SDK1: variants seen among roughly 807,000 people sequenced by gnomAD.
The protein encoded by SDK1 is sidekick cell adhesion molecule 1.
In SDK1, 157 loss-of-function variants were observed where a neutral mutation model predicts 245.5. The ratio of observed to expected loss-of-function variants is 0.64; its 90% CI spans 0.56 to 0.73. The LOEUF is 0.73. Ranked by LOEUF, SDK1 falls within the 30% of genes least tolerant of loss-of-function variation. The pLI is 0.00. For missense variants in SDK1, 3,583 were observed against 3,002.3 expected (o/e 1.19, Z -4.52); for synonymous variants, 1,647 against 1,278.5 (o/e 1.29, Z -6.15).
chr7:3,855,195 A>C (rs1780515115), intron 5 of SDK1, among the ~76,000 whole-genome samples: 2 of 152,128 alleles, frequency 1.3e-5, no homozygotes, highest in Non-Finnish European at 2.9e-5. Flanking sequence ...CTCTCACTGC[A>C]GGGGATAGAC....
intron 29 of SDK1, among the ~76,000 whole-genome samples, chr7:4,146,167 A>T (rs541255306): frequency 1.6e-4 from 23 of 139,838 alleles, no homozygotes; most frequent in African/African-American, 4.6e-4. Flanking sequence ...TCACACCTTC[A>T]GCCTCACACC....
chr7:3,752,046 C>T (rs1322883354), intron 4 of SDK1, among the ~76,000 whole-genome samples: 5 of 152,212 alleles, frequency 3.3e-5, no homozygotes, highest in Admixed American at 2.0e-4. Flanking sequence ...CTATGATTGA[C>T]ATTTCAGAAC....
At chr7:3,330,871 C>G (rs1220664348) in intron 1 of SDK1, among the ~76,000 whole-genome samples, 1 of 147,882 alleles carries the variant, frequency 6.8e-6, no homozygotes, top group African/African-American at 2.5e-5. Context: ...ACTTGGAAGG[C>G]TGAGTTGGGA....
chr7:4,195,365 C>T (rs1199604685), intron 35 of SDK1, among the ~76,000 whole-genome samples: 1 of 151,726 alleles, frequency 6.6e-6, no homozygotes, highest in Non-Finnish European at 1.5e-5. Flanking sequence ...GCCTGGTTTC[C>T]AGAACACTCT....
chr7:4,155,690 G>A (rs556912461), intron 30 of SDK1, among the ~76,000 whole-genome samples: 93 of 152,250 alleles, frequency 6.1e-4, no homozygotes, highest in African/African-American at 1.9e-3. Context: ...TGGTATTTAC[G>A]TGTCCTCATA....
chr7:3,723,030 C>A (rs908030960), intron 4 of SDK1, among the ~76,000 whole-genome samples: 1 of 152,222 alleles, frequency 6.6e-6, no homozygotes, highest in Non-Finnish European at 1.5e-5. Flanking sequence ...CAATTTCACA[C>A]TTGGGAAACA....
At chr7:3,810,331 A>G (rs1411880907) in intron 4 of SDK1, among the ~76,000 whole-genome samples, 2 of 151,888 alleles carry the variant, frequency 1.3e-5, no homozygotes, top group African/African-American at 2.4e-5. Flanking sequence ...TGTTTAAATC[A>G]TGTTTCTTTT....
At chr7:3,403,859 AT>A (rs1778972675) in intron 1 of SDK1, among the ~76,000 whole-genome samples, 9 of 104,110 alleles carry the variant, frequency 8.6e-5, no homozygotes, top group East Asian at 2.7e-4. Context: ...ATATATATAT[AT>A]ATATATATAA....
intron 1 of SDK1, among the ~76,000 whole-genome samples, chr7:3,435,506 A>T (rs1014960569): frequency 4.0e-5 from 6 of 149,282 alleles, no homozygotes; most frequent in African/African-American, 1.5e-4. Context: ...AATTATTATG[A>T]TTATGATTAT....
At chr7:3,369,432 C>G (rs192020279) in intron 1 of SDK1, among the ~76,000 whole-genome samples, 16 of 151,738 alleles carry the variant, frequency 1.1e-4, no homozygotes, top group African/African-American at 3.9e-4. Flanking sequence ...GTAGATGTGA[C>G]AGAGATTATA....
intron 1 of SDK1, among the ~76,000 whole-genome samples, chr7:3,356,782 G>A (rs1251847648): frequency 1.3e-5 from 2 of 152,106 alleles, no homozygotes; most frequent in East Asian, 3.8e-4. Context: ...CTGAGGCCAG[G>A]CACGGTGGCT....
intron 1 of SDK1, among the ~76,000 whole-genome samples, chr7:3,490,077 TC>T (rs1311014564): frequency 6.6e-6 from 1 of 152,182 alleles, no homozygotes; most frequent in Non-Finnish European, 1.5e-5. Context: ...CTGGAATTAT[TC>T]TCTTCATATT....
At chr7:3,905,365 G>A (rs1013901636) in intron 5 of SDK1, among the ~76,000 whole-genome samples, 14 of 152,042 alleles carry the variant, frequency 9.2e-5, no homozygotes, top group East Asian at 3.9e-4. Flanking sequence ...TGATAGTCTG[G>A]ATGTATATAA....
intron 4 of SDK1, among the ~76,000 whole-genome samples, chr7:3,654,068 C>G (rs969160155): frequency 1.3e-5 from 2 of 152,166 alleles, no homozygotes; most frequent in African/African-American, 4.8e-5. Context: ...GTGCACGTAG[C>G]TGTCTCTGTA....
intron 22 of SDK1, among the ~76,000 whole-genome samples, chr7:4,082,969 C>G (rs1010798338): frequency 2.0e-5 from 3 of 151,992 alleles, no homozygotes; most frequent in African/African-American, 7.3e-5. Flanking sequence ...CTCAGATTCC[C>G]CCAAATTTTC....
intron 4 of SDK1, among the ~76,000 whole-genome samples, chr7:3,669,086 A>G (rs1057118614): frequency 1.3e-5 from 2 of 152,238 alleles, no homozygotes; most frequent in Non-Finnish European, 2.9e-5. Context: ...CATTCCAGGG[A>G]GAAAAGTAAA....
chr7:3,503,926 C>T (rs148429084), intron 1 of SDK1, among the ~76,000 whole-genome samples: 4,015 of 151,804 alleles, frequency 0.026, 192 homozygotes, highest in African/African-American at 0.093. Flanking sequence ...CCGAGGTGGG[C>T]GGATCACGAG....
intron 2 of SDK1, among the ~76,000 whole-genome samples, chr7:3,629,606 C>G (rs1382823688): frequency 6.6e-6 from 1 of 152,136 alleles, no homozygotes; most frequent in African/African-American, 2.4e-5. Context: ...AGCCCTAGAC[C>G]AAATACTGCT....
chr7:4,113,651 C>T (rs1783497719), intron 24 of SDK1, among the ~76,000 whole-genome samples: 1 of 152,228 alleles, frequency 6.6e-6, no homozygotes, highest in Non-Finnish European at 1.5e-5. Flanking sequence ...TACTCACTCT[C>T]TTCTTGGAAC....
Sources: gnomAD v4.1 joint callset for allele counts (sites outside exome capture counted in the v4.1 genomes callset) on GRCh38, gnomAD v4.1.1 for gene constraint, MANE v1.5 for transcripts, NCBI Gene and HGNC (gene_info 2026-07-23, HGNC 2026-07-21) for gene names.